The following EFR3B variants were observed in gnomAD, a reference collection of about 807,000 sequenced individuals.
EFR3B encodes EFR3 homolog B.
Under a neutral mutation model 104.7 loss-of-function variants are expected in EFR3B, and 64 were observed. The ratio of observed to expected loss-of-function variants is 0.61; its 90% confidence interval spans 0.50 to 0.75. EFR3B has a LOEUF of 0.75. Ranked by LOEUF, EFR3B falls within the 30% of genes least tolerant of loss-of-function variation. The pLI is 0.00. For missense variants in EFR3B, 750 were observed against 1,078.5 expected, an observed-to-expected ratio of 0.70 and a Z score of 4.27; for synonymous variants, 385 against 417.9, an observed-to-expected ratio of 0.92 and a Z score of 0.96.
chr2:25,093,102 A>T lies in EFR3B; in HGVS notation c.184A>T (p.Ile62Phe). 6.4e-7 allele frequency: 1 copy of T among 1,551,904 alleles called. No homozygotes were observed. The highest frequency in any genetic ancestry group is 8.7e-7 in the Non-Finnish European group (1 of 1,147,108). The change falls in exon 3 of 23, where the codon ATC becomes TTC. Residue 62 changes from isoleucine to phenylalanine, a missense_variant. By Grantham distance (21) the Ile-to-Phe change is conservative. Coordinates refer to ENST00000403714, the MANE Select transcript of EFR3B (RefSeq NM_014971.2). The part of the protein sequence containing the change: ...RIGAYLSERL[I>F]RDVGRHRYGY... ...TGGCGCCTACCTCTCTGAGAGGCTCATCCGTGACGTGGGTCGCCATCGATA... is the reference window on the plus strand; with the variant it reads ...TGGCGCCTACCTCTCTGAGAGGCTCTTCCGTGACGTGGGTCGCCATCGATA...
At chr2:25,068,144 AC>A (rs1464663764) in intron 1 of EFR3B, among the ~76,000 whole-genome samples, 6 of 151,852 alleles carry the variant, frequency 4.0e-5, no homozygotes. Context: ...TGGTGCTCTC[AC>A]CCCTGGTTCT....
rs1391844763 is a variant in EFR3B at position 25,135,617 on chromosome 2, C to A, written c.1462C>A (p.Arg488Ser). 1 of 1,552,024 alleles carries A rather than the reference C, an allele frequency of 6.4e-7. No homozygotes were observed. The highest frequency in any genetic ancestry group is 2.0e-5 in the Admixed American group (1 of 50,984). The change falls in exon 13 of 23, where the codon CGC (arginine) becomes AGC (serine). Residue 488 changes from arginine to serine, a missense_variant. Coordinates refer to ENST00000403714, the MANE Select transcript of EFR3B (RefSeq NM_014971.2). ...CAGTTTCATTGATCGTCATGGCAACCGCCACAAGTTCTCTACCATCAGGTG... is the reference window on the plus strand; with the variant it reads ...CAGTTTCATTGATCGTCATGGCAACAGCCACAAGTTCTCTACCATCAGGTG... ...LISFIDRHGN[R>S]HKFSTISTLS...
At chr2:25,051,211 A>G (rs1482500748) in intron 1 of EFR3B, among the ~76,000 whole-genome samples, 1 of 152,134 alleles carries the variant, frequency 6.6e-6, no homozygotes, top group African/African-American at 2.4e-5. Context: ...TCCTGGGTTC[A>G]AGCGATTCTC....
At chr2:25,110,265 C>T (rs2149195185) in intron 4 of EFR3B, among the ~76,000 whole-genome samples, 1 of 152,296 alleles carries the variant, frequency 6.6e-6, no homozygotes. Context: ...AGCCACCCGG[C>T]CTTCTCTACC....
At position 25,131,761 on chromosome 2, in the gene EFR3B, C is replaced by T; in HGVS notation, c.997C>T (p.Leu333=). 1.3e-6 allele frequency: 2 copies of T among 1,530,428 alleles called. No homozygotes were observed. The highest frequency in any genetic ancestry group is 1.7e-4 in the Middle Eastern group (1 of 5,886). The allele number at this position is 1,530,428 out of a possible 1,614,324, so 94.8% of individuals were successfully genotyped here. A position where few individuals can be genotyped will look rare whatever the true frequency, so the allele number is the denominator to read the frequency against. Residue 333 remains leucine, a synonymous_variant, in exon 10 of 23, where the codon CTG becomes TTG. Coordinates refer to ENST00000403714, the MANE Select transcript of EFR3B (RefSeq NM_014971.2). The surrounding 1 kb of genome is among the most constrained non-coding windows in gnomAD (Gnocchi z 7.6). The part of the protein sequence containing the change: ...AATGSVGPTV[L]EMFNTLLRQL... ...CCCACCGCTCTCAGGGCCCACAGTA[C>T]TGGAGATGTTCAACACGCTGCTGAG...
chr2:25,129,900 C>T (rs764074128), intron 6 of EFR3B, 75 bp from the exon 7 acceptor site: 87 of 1,506,348 alleles, frequency 5.8e-5, no homozygotes, highest in Non-Finnish European at 6.8e-5. Context: ...GGATGAAACA[C>T]GGAAAGCCGG....
rs952692651 is a variant in EFR3B, at chr2:25,153,673, C to T, written c.2299-39C>T. ...GCCAGCTGGCAGAGGTTCTGGACCCCCCACCCCTGCCAGCTCACTTCCGTG... is the reference window on the plus strand; with the variant it reads ...GCCAGCTGGCAGAGGTTCTGGACCCTCCACCCCTGCCAGCTCACTTCCGTG... On this transcript the variant is annotated intron_variant, in intron 21 of 22. Transcript: ENST00000403714. 40 of 1,550,082 alleles carry T rather than the reference C, an allele frequency of 2.6e-5. No individual in the cohort carries two copies. In the African/African-American group the frequency reaches 4.1e-4, roughly 16 times the overall value.
At position 25,153,778 on chromosome 2, in the gene EFR3B, G is replaced by T; in HGVS notation, c.2348+17G>T. 3 of 1,551,562 alleles carry T rather than the reference G, an allele frequency of 1.9e-6. No individual in the cohort carries two copies. Among genetic ancestry groups the T allele is most frequent in the Non-Finnish European group, 2.6e-6 (3 of 1,146,960 alleles). Reference sequence around the variant, plus strand: ...CACCATCCGGTAAGTGACAACCCTGGGCAGGGGACCCTGACCTCCGTGGCC... The same window carrying T: ...CACCATCCGGTAAGTGACAACCCTGTGCAGGGGACCCTGACCTCCGTGGCC... On this transcript the variant is annotated intron_variant, in intron 22 of 22. Transcript: ENST00000403714.
At position 25,042,767 on chromosome 2, in the gene EFR3B, G is replaced by A; in HGVS notation, c.7+448G>A. On this transcript the variant is annotated intron_variant, in intron 1 of 22. Coordinates refer to ENST00000403714, the MANE Select transcript of EFR3B (RefSeq NM_014971.2). This position sits in a 1 kb window ranked among gnomAD's most constrained non-coding sequence, Gnocchi z 5.4. ...CTCGGAGAAGGCGGGAGGCGGCGCC[G>A]GCGGCGCAGAGGCCCGGGGAGCAGC... 3 of 920,612 alleles carry A rather than the reference G, an allele frequency of 3.3e-6. No individual in the cohort carries two copies. The highest frequency in any genetic ancestry group is 3.9e-6 in the Non-Finnish European group (3 of 770,186). 57.0% of individuals were successfully genotyped at this position (920,612 alleles called of 1,614,324 possible).
In EFR3B at chr2:25,156,340, C is replaced by T. The variant is rs1671170396; in HGVS notation, c.*2000C>T. On this transcript the variant is annotated 3_prime_UTR_variant, in exon 23 of 23. Transcript: ENST00000403714. Reference sequence around the variant, plus strand: ...TGAGACACCGTCTCGCTCTGTCACCCAGGCTGGAGTACAATGGTGTGACCT... The same window carrying T: ...TGAGACACCGTCTCGCTCTGTCACCTAGGCTGGAGTACAATGGTGTGACCT... The T allele has an allele frequency of 6.8e-6, 1 of 147,818 alleles. No homozygotes were observed. Among genetic ancestry groups the T allele is most frequent in the Non-Finnish European group, 1.5e-5 (1 of 67,278 alleles). The allele number at this position is 147,818 out of a possible 1,614,324, so 9.2% of individuals were successfully genotyped here. A position where few individuals can be genotyped will look rare whatever the true frequency, so the allele number is the denominator to read the frequency against.
In EFR3B at chr2:25,131,280, C is replaced by T. The variant is rs1670321526; in HGVS notation, c.850-88C>T. The stretch of plus-strand genomic sequence containing the variant: ...GGCCTTGGAACGTCCCTTTAGTTTA[C>T]CCCCGCCTTTGGGTGCCAGGAGAGG... On this transcript the variant is annotated intron_variant, in intron 8 of 22. Transcript: ENST00000403714. The surrounding 1 kb of genome is among the most constrained non-coding windows in gnomAD (Gnocchi z 7.6). 4 of 1,493,602 alleles carry T rather than the reference C, an allele frequency of 2.7e-6. No homozygotes were observed. The highest frequency in any genetic ancestry group is 2.6e-5 in the South Asian group (2 of 77,738). 92.5% of individuals were successfully genotyped at this position (1,493,602 alleles called of 1,614,324 possible). A position where few individuals can be genotyped will look rare whatever the true frequency, so the allele number is the denominator to read the frequency against.
chr2:25,087,251 G>T (rs865777380), intron 1 of EFR3B, among the ~76,000 whole-genome samples: 2 of 151,836 alleles, frequency 1.3e-5, no homozygotes, highest in African/African-American at 4.8e-5. Context: ...TGACACGTGG[G>T]GATTATGAGA....
chr2:25,070,508 C>G (rs1253630728), intron 1 of EFR3B, among the ~76,000 whole-genome samples: 1 of 152,174 alleles, frequency 6.6e-6, no homozygotes, highest in East Asian at 1.9e-4. Context: ...AGTGATCCAC[C>G]TGCCTCAGCC....
rs144959611 is a variant in EFR3B at position 25,063,926 on chromosome 2, G to C, written c.7+21607G>C. ...CTTGAGATGGGCAGAATCTGCTTGA[G>C]GGACTTCCTACCTCGTGCAGGTGTT... On this transcript the variant is annotated intron_variant, in intron 1 of 22. Transcript: ENST00000403714. Among the ~76,000 whole-genome samples, 16 of 152,300 alleles carry C rather than the reference G, an allele frequency of 1.1e-4. No homozygotes were observed. The East Asian group carries it at 2.9e-3, about 28-fold the overall frequency.
chr2:25,153,123 G>A (rs556829853), intron 21 of EFR3B, among the ~76,000 whole-genome samples: 1 of 152,320 alleles, frequency 6.6e-6, no homozygotes, highest in African/African-American at 2.4e-5. Flanking sequence ...GGAGGCTGAG[G>A]CAGGCAGATC....
chr2:25,051,021 G>A (rs1667852329), intron 1 of EFR3B, among the ~76,000 whole-genome samples: 4 of 152,272 alleles, frequency 2.6e-5, no homozygotes, highest in African/African-American at 9.6e-5. Context: ...ATTCCCCTCG[G>A]TGAAATTGCC....
chr2:25,081,787 C>T (rs916206625), intron 1 of EFR3B: 5 of 374,436 alleles, frequency 1.3e-5, no homozygotes, highest in Non-Finnish European at 2.4e-5. Flanking sequence ...ACTGGAGTGG[C>T]AATGAAGGAG....
intron 1 of EFR3B, among the ~76,000 whole-genome samples, chr2:25,072,722 C>T (rs1005232259): frequency 2.0e-5 from 3 of 152,332 alleles, no homozygotes; most frequent in Middle Eastern, 6.8e-3. Flanking sequence ...AGTACCTCCT[C>T]TTCAGAAAGC....
In EFR3B at chr2:25,130,701, A is replaced by G; in HGVS notation, c.849+71A>G. ...CTCTAGAAGCTAGACGGGTGCTAAA[A>G]TAGAAAGCCAGAAGTCCCCTGTGAC... On this transcript the variant is annotated intron_variant, in intron 8 of 22. Coordinates refer to ENST00000403714, the MANE Select transcript of EFR3B (RefSeq NM_014971.2). The surrounding 1 kb of genome is among the most constrained non-coding windows in gnomAD (Gnocchi z 4.6). 1 of 1,405,298 alleles carries G rather than the reference A, an allele frequency of 7.1e-7. No homozygotes were observed. The highest frequency in any genetic ancestry group is 9.9e-7 in the Non-Finnish European group (1 of 1,015,124). The allele number at this position is 1,405,298 out of a possible 1,614,324, so 87.1% of individuals were successfully genotyped here.
Sources: gnomAD v4.1 joint callset for allele counts (sites outside exome capture counted in the v4.1 genomes callset) on GRCh38, gnomAD v4.1.1 for gene constraint, Gnocchi (gnomAD v3.1) non-coding constraint, MANE v1.5 for transcripts, NCBI Gene and HGNC (gene_info 2026-07-23, HGNC 2026-07-21) for gene names.